Variants in EN2 observed in about 807,000 individuals in gnomAD.
EN2 encodes homeobox protein engrailed-2.
EN2 carries 7 observed loss-of-function variants against 25.0 expected under a neutral mutation model. The observed-to-expected ratio is 0.28, with a 90% CI of 0.16 to 0.53. EN2 has a LOEUF of 0.53. Among genes scored for constraint, EN2 ranks in the 20% least tolerant of loss-of-function variants. The probability of loss-of-function intolerance (pLI) is 0.96; values close to 1 mark genes in which losing one functional copy is unlikely to be tolerated. For missense variants in EN2, 524 were observed against 501.8 expected, an observed-to-expected ratio of 1.04 and a Z score of -0.42; for synonymous variants, 277 against 243.3, an observed-to-expected ratio of 1.14 and a Z score of -1.29.
intron 1 of EN2, among the ~76,000 whole-genome samples, chr7:155,460,175 ATTG>A (rs1795678650): frequency 1.3e-5 from 2 of 152,232 alleles, no homozygotes; most frequent in Admixed American, 1.3e-4. Context: ...AATTTGCTCC[ATTG>A]TTCTCGTCTT....
At chr7:155,461,535 T>A (rs540759496) in intron 1 of EN2, among the ~76,000 whole-genome samples, 1 of 151,888 alleles carries the variant, frequency 6.6e-6, no homozygotes, top group Non-Finnish European at 1.5e-5. Context: ...GTGGGGAGGG[T>A]CAGAAGTGGA....
intron 1 of EN2, among the ~76,000 whole-genome samples, chr7:155,459,671 A>C (rs1795672899): frequency 6.6e-6 from 1 of 152,240 alleles, no homozygotes; most frequent in East Asian, 1.9e-4. Context: ...GAGGAAAATA[A>C]AGGCGCCCTT....
Position 155,464,799 on chromosome 7 carries a change from T to C in EN2, c.*2112T>C, listed in dbSNP as rs1458508413. 6.6e-6 allele frequency: 1 copy of C among 152,338 alleles called. No individual in the cohort carries two copies. Among genetic ancestry groups the C allele is most frequent in the Admixed American group, 6.5e-5 (1 of 15,282 alleles). 9.4% of individuals were successfully genotyped at this position (152,338 alleles called of 1,614,324 possible). ...TGTGTTGAAATTCTTGAAGGTTACA[T>C]TAAATAAAACAAAATCTCTTTATTA... On this transcript the variant is annotated 3_prime_UTR_variant, in exon 2 of 2. Transcript: ENST00000297375.
intron 1 of EN2, 72 bp downstream of exon 1, chr7:155,459,134 C>T (rs1292738842): frequency 2.1e-6 from 3 of 1,439,642 alleles, no homozygotes; most frequent in East Asian, 5.4e-5. Context: ...GGTGCTGGCG[C>T]GGGAACTTAC....
chr7:155,458,135 A>T lies in EN2; in HGVS notation c.-243A>T, dbSNP rs1001159337. 2.5e-6 allele frequency: 1 copy of T among 399,246 alleles called. No homozygotes were observed. Among genetic ancestry groups the T allele is most frequent in the African/African-American group, 2.1e-5 (1 of 48,122 alleles). The allele number at this position is 399,246 out of a possible 1,614,324, so 24.7% of individuals were successfully genotyped here. On this transcript the variant is annotated 5_prime_UTR_variant, in exon 1 of 2. Transcript: ENST00000297375. The stretch of plus-strand genomic sequence containing the variant: ...AGGACTTGGCTCTGTTGAATCTCTC[A>T]TCGTCTGGGCGAGCGGGGCGGCTCG...
Position 155,462,759 on chromosome 7 carries a change from T to G in EN2, c.*72T>G. ...ATAATTTAAAATCATAAAGGGCCAG[T>G]GTATAAAGATTATACCAGCATTAAT... On this transcript the variant is annotated 3_prime_UTR_variant, in exon 2 of 2. Transcript: ENST00000297375. The G allele has an allele frequency of 6.9e-7, 1 of 1,440,562 alleles. No individual in the cohort carries two copies. The highest frequency in any genetic ancestry group is 1.4e-5 in the South Asian group (1 of 70,962). 89.2% of individuals were successfully genotyped at this position (1,440,562 alleles called of 1,614,324 possible). A position where few individuals can be genotyped will look rare whatever the true frequency, so the allele number is the denominator to read the frequency against.
chr7:155,459,771 C>A lies in EN2; in HGVS notation c.685+709C>A, dbSNP rs189369227. On this transcript the variant is annotated intron_variant, in intron 1 of 1. Coordinates refer to ENST00000297375, the MANE Select transcript of EN2 (RefSeq NM_001427.4). ...CACACAGCGAGGACAAGGGAGGCAG[C>A]CGTCCCTCCCGGCACCTGCCATCCC... Among the ~76,000 whole-genome samples, 6 of 152,378 alleles carry A rather than the reference C, an allele frequency of 3.9e-5. No individual in the cohort carries two copies. The East Asian group carries it at 1.2e-3, about 29-fold the overall frequency.
In EN2 at chr7:155,458,652, C is replaced by T. The variant is rs1295602339; in HGVS notation, c.275C>T (p.Ala92Val). The change falls in exon 1 of 2, where the codon GCG becomes GTG. Residue 92 changes from alanine to valine, a missense_variant. Coordinates refer to ENST00000297375, the MANE Select transcript of EN2 (RefSeq NM_001427.4). ...GACGCGGGGACCTGCTGTGCGGGCG[C>T]GGGAGGAGGAAGGGGCGGCGGAGCC... ...RKDAGTCCAG[A>V]GGGRGGGAGG... 7.1e-7 allele frequency: 1 copy of T among 1,401,818 alleles called. No homozygotes were observed. The highest frequency in any genetic ancestry group is 9.3e-7 in the Non-Finnish European group (1 of 1,077,498). The allele number at this position is 1,401,818 out of a possible 1,614,324, so 86.8% of individuals were successfully genotyped here.
chr7:155,458,901 G>GC lies in EN2; in HGVS notation c.529dup (p.Leu177ProfsTer171). 3 of 1,498,566 alleles carry GC rather than the reference G, an allele frequency of 2.0e-6. No homozygotes were observed. Among genetic ancestry groups the GC allele is most frequent in the Non-Finnish European group, 2.7e-6 (3 of 1,131,658 alleles). 92.8% of individuals were successfully genotyped at this position (1,498,566 alleles called of 1,614,324 possible). Reference sequence around the variant, plus strand: ...GCCAAGAAAGGCGGCGACCCCGGCGGCCCCCTGGACGGGTCGCTCAAGGCC... The same window carrying GC: ...GCCAAGAAAGGCGGCGACCCCGGCGGCCCCCCTGGACGGGTCGCTCAAGGCC... On this transcript the variant is annotated frameshift_variant, in exon 1 of 2. Coordinates refer to ENST00000297375, the MANE Select transcript of EN2 (RefSeq NM_001427.4). LOFTEE classifies it high-confidence loss of function.
chr7:155,460,621 G>T (rs1269402339), intron 1 of EN2, among the ~76,000 whole-genome samples: 1 of 152,222 alleles, frequency 6.6e-6, no homozygotes, highest in Non-Finnish European at 1.5e-5. Context: ...GAGTTTGGGG[G>T]TAGAGTTCTG....
intron 1 of EN2, among the ~76,000 whole-genome samples, chr7:155,461,679 T>C (rs1223493942): frequency 6.6e-6 from 1 of 152,132 alleles, no homozygotes; most frequent in Non-Finnish European, 1.5e-5. Context: ...AGATTTCCAG[T>C]GGGTGAAGGA....
intron 1 of EN2, 78 bp downstream of exon 1, chr7:155,459,140 C>A: frequency 2.1e-6 from 3 of 1,424,492 alleles, no homozygotes; most frequent in Non-Finnish European, 2.8e-6. Flanking sequence ...GGCGCGGGAA[C>A]TTACCGGGAG....
In EN2 at chr7:155,462,468, C is replaced by G. The variant is rs373725366; in HGVS notation, c.783C>G (p.Ala261=). 4 of 1,614,064 alleles carry G rather than the reference C, an allele frequency of 2.5e-6. No individual in the cohort carries two copies. The highest frequency in any genetic ancestry group is 2.7e-5 in the African/African-American group (2 of 74,934). ...CCGAGCAGCTGCAGAGGCTCAAGGCCGAGTTCCAGACCAACAGGTACCTGA... is the reference window on the plus strand; with the variant it reads ...CCGAGCAGCTGCAGAGGCTCAAGGCGGAGTTCCAGACCAACAGGTACCTGA... The part of the protein sequence containing the change: ...FTAEQLQRLK[A]EFQTNRYLTE... Residue 261 remains alanine, a synonymous_variant, in exon 2 of 2, where the codon GCC becomes GCG. Coordinates refer to ENST00000297375, the MANE Select transcript of EN2 (RefSeq NM_001427.4).
At chr7:155,461,520 G>A (rs1211587320) in intron 1 of EN2, among the ~76,000 whole-genome samples, 2 of 152,206 alleles carry the variant, frequency 1.3e-5, no homozygotes, top group Non-Finnish European at 2.9e-5. Context: ...CAGTTGGGAG[G>A]CACAGTGGGG....
Position 155,459,068 on chromosome 7 carries a change from C to CCCGCGGGGACCACGCGTCCCGGCTCG in EN2, c.685+16_685+41dup, listed in dbSNP as rs766487029. On this transcript the variant is annotated splice_region_variant and intron_variant, in intron 1 of 1. Coordinates refer to ENST00000297375, the MANE Select transcript of EN2 (RefSeq NM_001427.4). ...CTCGGACCGGCCTTCTTCAGGTGAG[C>CCCGCGGGGACCACGCGTCCCGGCTCG]CCGCGGGGACCACGCGTCCCGGCTC... 2 of 1,568,252 alleles carry CCCGCGGGGACCACGCGTCCCGGCTCG rather than the reference C, an allele frequency of 1.3e-6. No individual in the cohort carries two copies. The highest frequency in any genetic ancestry group is 2.4e-5 in the East Asian group (1 of 41,556).
chr7:155,462,288 G>A (rs1384431766), intron 1 of EN2, 83 bp from the exon 2 acceptor site: 14 of 1,488,828 alleles, frequency 9.4e-6, no homozygotes, highest in Admixed American at 2.2e-5. Context: ...TCCCTCTTGG[G>A]GCCCCAGAAT....
chr7:155,458,643 G>A lies in EN2; in HGVS notation c.266G>A (p.Cys89Tyr). The change falls in exon 1 of 2, where the codon TGT (cysteine) becomes TAT (tyrosine). Residue 89 changes from cysteine to tyrosine, a missense_variant. By Grantham distance (194) the Cys-to-Tyr change is radical. Coordinates refer to ENST00000297375, the MANE Select transcript of EN2 (RefSeq NM_001427.4). The stretch of plus-strand genomic sequence containing the variant: ...CGGCGAAAGGACGCGGGGACCTGCT[G>A]TGCGGGCGCGGGAGGAGGAAGGGGC... ...FGRRKDAGTC[C>Y]AGAGGGRGGG... 3 of 1,419,736 alleles carry A rather than the reference G, an allele frequency of 2.1e-6. No homozygotes were observed. Among genetic ancestry groups the A allele is most frequent in the Non-Finnish European group, 2.8e-6 (3 of 1,085,088 alleles). 87.9% of individuals were successfully genotyped at this position (1,419,736 alleles called of 1,614,324 possible). A position where few individuals can be genotyped will look rare whatever the true frequency, so the allele number is the denominator to read the frequency against.
Position 155,462,158 on chromosome 7 carries a change from C to T in EN2, c.686-213C>T, listed in dbSNP as rs142827220. On this transcript the variant is annotated intron_variant, in intron 1 of 1. Coordinates refer to ENST00000297375, the MANE Select transcript of EN2 (RefSeq NM_001427.4). ...CCACTAGGCCTGCCCCATAGTCCCA[C>T]TTACATCACACGCAGTCCTCCCTCA... is the stretch of plus-strand genomic sequence containing the variant. Among the ~76,000 whole-genome samples, 356 of 152,358 alleles carry T rather than the reference C, an allele frequency of 2.3e-3. 1 individual carries two copies. Among genetic ancestry groups the T allele is most frequent in the Middle Eastern group, 6.8e-3 (2 of 294 alleles).
rs1357278880 is a variant in EN2, at chr7:155,458,477, G to C, written c.100G>C (p.Gly34Arg). The change falls in exon 1 of 2, where the codon GGT becomes CGT. Residue 34 changes from glycine to arginine, a missense_variant. By Grantham distance (125) the Gly-to-Arg change is moderately radical. Coordinates refer to ENST00000297375, the MANE Select transcript of EN2 (RefSeq NM_001427.4). ...CGGCGGCGGCTCGGGCGGCGGCGGC[G>C]GTAGCAGCCCGGGCGAAGCGGACAC... Reference protein sequence around the residue: ...SPGGGSGGGGGSSPGEADTGR... With the variant: ...SPGGGSGGGGRSSPGEADTGR... 7.7e-7 allele frequency: 1 copy of C among 1,294,910 alleles called. No homozygotes were observed. The highest frequency in any genetic ancestry group is 9.8e-7 in the Non-Finnish European group (1 of 1,019,380). The allele number at this position is 1,294,910 out of a possible 1,614,324, so 80.2% of individuals were successfully genotyped here.
Sources: gnomAD v4.1 joint callset for allele counts (sites outside exome capture counted in the v4.1 genomes callset) on GRCh38, gnomAD v4.1.1 for gene constraint, MANE v1.5 for transcripts, NCBI Gene and HGNC (gene_info 2026-07-23, HGNC 2026-07-21) for gene names.